Variants in CCDC57 observed in about 807,000 individuals in gnomAD.
CCDC57 encodes the protein coiled-coil domain containing 57, also known as coiled-coil domain-containing protein 57.
A neutral mutation model predicts 118.9 loss-of-function variants in CCDC57; 118 were observed. That is an observed-to-expected ratio of 0.99 (90% CI 0.86 to 1.16). The LOEUF is 1.16. Ranked by LOEUF, CCDC57 falls within the 50% of genes most tolerant of loss-of-function variation. CCDC57 has a pLI of 0.00. For missense variants in CCDC57, 1,300 were observed against 1,320.7 expected, an observed-to-expected ratio of 0.98 and a Z score of 0.24; for synonymous variants, 527 against 532.9, an observed-to-expected ratio of 0.99 and a Z score of 0.15.
chr17:82,121,853 C>T (rs149458944), intron 19 of CCDC57, among the ~76,000 whole-genome samples: 14 of 152,304 alleles, frequency 9.2e-5, no homozygotes, highest in East Asian at 3.9e-4. Flanking sequence ...AGATAAAGGC[C>T]GGGAAGCTCT....
chr17:82,130,044 A>AT (rs1421124267), intron 17 of CCDC57, among the ~76,000 whole-genome samples: 37 of 151,848 alleles, frequency 2.4e-4, no homozygotes, highest in African/African-American at 8.9e-4. Flanking sequence ...ACAAAAAAAA[A>AT]TTAAAAATTA....
chr17:82,188,647 C>T (rs1484459622), intron 7 of CCDC57, among the ~76,000 whole-genome samples: 4 of 152,228 alleles, frequency 2.6e-5, no homozygotes, highest in Admixed American at 1.3e-4. Flanking sequence ...GAGCCCACAG[C>T]CCCCTGGAGA....
intron 13 of CCDC57, among the ~76,000 whole-genome samples, chr17:82,164,667 A>T (rs1308471125): frequency 6.6e-6 from 1 of 152,186 alleles, no homozygotes; most frequent in Non-Finnish European, 1.5e-5. Context: ...TATGTCAAAA[A>T]TTTGAAAATT....
intron 13 of CCDC57, among the ~76,000 whole-genome samples, chr17:82,171,278 G>A (rs112481537): frequency 2.2e-5 from 3 of 137,922 alleles, no homozygotes; most frequent in African/African-American, 2.8e-5. Flanking sequence ...AAAACAGGGA[G>A]CGCTGACTGC....
At chr17:82,187,605 G>A (rs1198092324) in intron 8 of CCDC57, among the ~76,000 whole-genome samples, 13 of 21,620 alleles carry the variant, frequency 6.0e-4, no homozygotes, top group African/African-American at 2.6e-3. Flanking sequence ...GGCTCGGGGG[G>A]GAGCTGGCAG....
At chr17:82,117,743 C>CAAACAAACA (rs2036107335) in intron 19 of CCDC57, among the ~76,000 whole-genome samples, 3 of 151,126 alleles carry the variant, frequency 2.0e-5, no homozygotes, top group Admixed American at 6.6e-5. Context: ...TCAGATTGGC[C>CAAACAAACA]AACAAACAAA....
intron 14 of CCDC57, 114 bp from the exon 14 acceptor site, chr17:82,158,062 G>A: frequency 1.4e-6 from 2 of 1,452,232 alleles, no homozygotes; most frequent in Non-Finnish European, 9.0e-7. Context: ...GGAGCCCGGG[G>A]TCAGGGCCTC....
chr17:82,209,697 G>A (rs988710805), intron 1 of CCDC57, among the ~76,000 whole-genome samples: 4 of 152,116 alleles, frequency 2.6e-5, no homozygotes, highest in African/African-American at 9.7e-5. Context: ...TTGTTGGCCA[G>A]GCTGGTTTCC....
chr17:82,191,128 T>TA (rs58339271), intron 7 of CCDC57, among the ~76,000 whole-genome samples: 6 of 148,718 alleles, frequency 4.0e-5, no homozygotes, highest in African/African-American at 1.3e-4. Context: ...AAATAAAAAA[T>TA]AAAAAAAAAG....
chr17:82,170,782 AG>A (rs2044604274), intron 13 of CCDC57, among the ~76,000 whole-genome samples: 1 of 152,172 alleles, frequency 6.6e-6, no homozygotes, highest in Non-Finnish European at 1.5e-5. Context: ...CAATGCACAC[AG>A]GAAGAGATGT....
At chr17:82,151,382 C>T (rs1449429306) in intron 16 of CCDC57, among the ~76,000 whole-genome samples, 178 bp downstream of exon 15, 1 of 151,300 alleles carries the variant, frequency 6.6e-6, no homozygotes, top group African/African-American at 2.4e-5. Context: ...ACCTGGCACA[C>T]ACCCAGAACC....
exon 11 of CCDC57, chr17:82,178,575 C>T (rs1266308146): frequency 6.2e-7 from 1 of 1,613,108 alleles, no homozygotes; most frequent in African/African-American, 1.3e-5. Flanking sequence ...TCCTGTAGCG[C>T]CTGCTCTGTC....
intron 2 of CCDC57, among the ~76,000 whole-genome samples, chr17:82,205,092 A>ATGCACACACCTG: frequency 6.6e-6 from 1 of 151,772 alleles, no homozygotes; most frequent in South Asian, 2.1e-4. Flanking sequence ...CACAGAGGAC[A>ATGCACACACCTG]TGCACACACC....
exon 13 of CCDC57, chr17:82,171,705 C>T (rs373897877): frequency 1.1e-5 from 17 of 1,609,714 alleles, no homozygotes; most frequent in African/African-American, 2.7e-5. Context: ...ACTTACCAGT[C>T]GTCTCTGTCG....
rs2044789399 is a variant in CCDC57 at position 82,171,897 on chromosome 17, C to T, written c.1730-44G>A. On this transcript the variant is annotated intron_variant, in intron 12 of 19. Transcript: ENST00000665763. The stretch of plus-strand genomic sequence containing the variant: ...GTGAATATAACACATACACAGCATC[C>T]TTTCGCACCTCCCTCCTGTGAGCAC... The T allele has an allele frequency of 1.9e-6, 3 of 1,586,036 alleles. No individual in the cohort carries two copies. In the South Asian group the frequency reaches 3.3e-5, roughly 18 times the overall value.
Position 82,129,544 on chromosome 17 carries a change from C to G in CCDC57, c.2578-947G>C, listed in dbSNP as rs568808023. Among the ~76,000 whole-genome samples the G allele has an allele frequency of 5.3e-5, 8 of 152,234 alleles. No homozygotes were observed. The South Asian group carries it at 1.7e-3, about 32-fold the overall frequency. The stretch of plus-strand genomic sequence containing the variant: ...TGTTTACCAACGTTTGCCTGTTCAC[C>G]CGAGGAATGCACATGCATGAGGTCT... On this transcript the variant is annotated intron_variant, in intron 17 of 19. Coordinates refer to ENST00000665763, the Ensembl canonical transcript of CCDC57.
intron 8 of CCDC57, among the ~76,000 whole-genome samples, chr17:82,184,516 TAACTC>T (rs779158118): frequency 1.1e-4 from 17 of 152,360 alleles, no homozygotes; most frequent in South Asian, 8.3e-4. Flanking sequence ...CTAGAGCTGT[TAACTC>T]AGGTAGCCAC....
chr17:82,189,706 A>G (rs758222607), intron 7 of CCDC57, among the ~76,000 whole-genome samples: 32 of 152,088 alleles, frequency 2.1e-4, no homozygotes, highest in South Asian at 6.2e-4. Flanking sequence ...TACAAAAATT[A>G]GCCGGGCATG....
chr17:82,127,185 AG>A, intron 19 of CCDC57: 1 of 985,442 alleles, frequency 1.0e-6, no homozygotes. Context: ...CGCGCAGCAA[AG>A]CAGGACGAGG....
Sources: gnomAD v4.1 joint callset for allele counts (sites outside exome capture counted in the v4.1 genomes callset) on GRCh38, gnomAD v4.1.1 for gene constraint, MANE v1.5 for transcripts, NCBI Gene and HGNC (gene_info 2026-07-23, HGNC 2026-07-21) for gene names.